SERPINC1: variants seen among roughly 807,000 people sequenced by gnomAD.
SERPINC1 encodes the protein antithrombin-III.
In SERPINC1, 12 loss-of-function variants were observed where a neutral mutation model predicts 43.4. That is an observed-to-expected ratio of 0.28 (90% CI 0.18 to 0.45). The LOEUF (loss-of-function observed/expected upper bound fraction) is 0.45, where lower values mean the gene tolerates loss of function less well. Among genes scored for constraint, SERPINC1 ranks in the 20% least tolerant of loss-of-function variants. The pLI, the probability that SERPINC1 is intolerant of heterozygous loss-of-function variation, is 1.00. For synonymous variants in SERPINC1, 210 were observed against 218.9 expected (o/e 0.96, Z 0.36); for missense variants, 423 against 578.8 (o/e 0.73, Z 2.76).
chr1:173,908,728 T>C (rs1657638201), intron 5 of SERPINC1, among the ~76,000 whole-genome samples: 1 of 151,788 alleles, frequency 6.6e-6, no homozygotes, highest in South Asian at 2.1e-4. Flanking sequence ...GCCTGGCTAA[T>C]TTTTTTTATT....
chr1:173,904,243 A>G (rs1255067029), intron 6 of SERPINC1, among the ~76,000 whole-genome samples, 178 bp from the exon 7 acceptor site: 1 of 152,232 alleles, frequency 6.6e-6, no homozygotes, highest in East Asian at 1.9e-4. Flanking sequence ...CATGCAGAGA[A>G]TGTAAGGTAC....
chr1:173,907,399 GT>G (rs1156498124), intron 6 of SERPINC1, 50 bp downstream of exon 6: 5 of 1,411,388 alleles, frequency 3.5e-6, no homozygotes, highest in Non-Finnish European at 5.0e-6. Flanking sequence ...TGTTCCTGCT[GT>G]TCATGCATCT....
Position 173,903,853 on chromosome 1 carries a change from C to T in SERPINC1, c.*36G>A. 6.3e-7 allele frequency: 1 copy of T among 1,593,946 alleles called. No homozygotes were observed. Among genetic ancestry groups the T allele is most frequent in the East Asian group, 2.2e-5 (1 of 44,756 alleles). Reference sequence around the variant, plus strand: ...ATTTATTTTTACTTCTGTTCACAAACCAAAAATAGGAAGAGGTGCAAAGAA... The same window carrying T: ...ATTTATTTTTACTTCTGTTCACAAATCAAAAATAGGAAGAGGTGCAAAGAA... On this transcript the variant is annotated 3_prime_UTR_variant, in exon 7 of 7. Coordinates refer to ENST00000367698, the MANE Select transcript of SERPINC1 (RefSeq NM_000488.4).
chr1:173,917,152 C>T, intron 1 of SERPINC1, 67 bp downstream of exon 1: 1 of 1,370,044 alleles, frequency 7.3e-7, no homozygotes. Flanking sequence ...GGAGGTCATT[C>T]CTGTGAGTCC....
At chr1:173,910,300 C>T (rs1470554326) in intron 4 of SERPINC1, among the ~76,000 whole-genome samples, 1 of 152,152 alleles carries the variant, frequency 6.6e-6, no homozygotes, top group Admixed American at 6.5e-5. Context: ...GCCAATCTGC[C>T]GGGCGCGGTG....
chr1:173,917,000 T>C (rs1388214717), intron 1 of SERPINC1, among the ~76,000 whole-genome samples: 1 of 152,134 alleles, frequency 6.6e-6, no homozygotes, highest in Non-Finnish European at 1.5e-5. Flanking sequence ...CCTTGTTTCT[T>C]AGGCTAGGGA....
At chr1:173,912,195 A>G (rs1368080524) in intron 2 of SERPINC1, among the ~76,000 whole-genome samples, 181 bp from the exon 3 acceptor site, 2 of 152,162 alleles carry the variant, frequency 1.3e-5, no homozygotes, top group Non-Finnish European at 2.9e-5. Context: ...AGGATAAAAG[A>G]AGAATGAAGG....
At chr1:173,905,942 G>T (rs1380927696) in intron 6 of SERPINC1, among the ~76,000 whole-genome samples, 2 of 152,112 alleles carry the variant, frequency 1.3e-5, no homozygotes, top group East Asian at 3.9e-4. Flanking sequence ...ACATTTCCTC[G>T]CTCCCGTTAA....
chr1:173,912,000 G>T lies in SERPINC1; in HGVS notation c.423C>A (p.Asp141Glu). Residue 141 changes from aspartate to glutamate, a missense_variant, in exon 3 of 7, where the codon GAC becomes GAA. By Grantham distance (45) the Asp-to-Glu change is conservative. Transcript: ENST00000367698. ...GATCAGATGTTTTCTCAGATATGGTGTCAAACTTAAATACCTATAGAAGTC... is the reference window on the plus strand; with the variant it reads ...GATCAGATGTTTTCTCAGATATGGTTTCAAACTTAAATACCTATAGAAGTC... ...LQQLMEVFKFDTISEKTSDQI... is the reference protein window; with the variant it reads ...LQQLMEVFKFETISEKTSDQI... 2.5e-6 allele frequency: 4 copies of T among 1,613,744 alleles called. No homozygotes were observed. Among genetic ancestry groups the T allele is most frequent in the Non-Finnish European group, 3.4e-6 (4 of 1,179,660 alleles).
intron 2 of SERPINC1, 117 bp downstream of exon 2, chr1:173,914,436 C>T: frequency 9.0e-7 from 1 of 1,114,682 alleles, no homozygotes; most frequent in South Asian, 1.3e-5. Flanking sequence ...AATCGTAATG[C>T]ATAATGAGCG....
At chr1:173,907,298 C>T in intron 6 of SERPINC1, 152 bp downstream of exon 6, 1 of 709,908 alleles carries the variant, frequency 1.4e-6, no homozygotes, top group South Asian at 1.6e-5. Flanking sequence ...GCAGAACAAT[C>T]ACACCATGAA....
chr1:173,916,100 G>A (rs1657978652), intron 1 of SERPINC1, among the ~76,000 whole-genome samples: 1 of 152,172 alleles, frequency 6.6e-6, no homozygotes, highest in Non-Finnish European at 1.5e-5. Flanking sequence ...CGCCAACATG[G>A]ATTCAATGAA....
chr1:173,907,689 T>G (rs1454577634), intron 5 of SERPINC1, among the ~76,000 whole-genome samples, 175 bp from the exon 6 acceptor site: 1 of 151,936 alleles, frequency 6.6e-6, no homozygotes, highest in Non-Finnish European at 1.5e-5. Flanking sequence ...AATAATAAAG[T>G]ACTTTGGGGG....
intron 1 of SERPINC1, 83 bp downstream of exon 1, chr1:173,917,136 G>T: frequency 1.7e-6 from 2 of 1,172,226 alleles, no homozygotes; most frequent in Non-Finnish European, 2.6e-6. Flanking sequence ...TCTTCTCAAA[G>T]GTGTTGGAGG....
chr1:173,905,752 G>T (rs549161693), intron 6 of SERPINC1, among the ~76,000 whole-genome samples: 3 of 151,770 alleles, frequency 2.0e-5, no homozygotes, highest in Non-Finnish European at 4.4e-5. Context: ...TAGGAGACCC[G>T]TTCAACACCC....
At chr1:173,904,322 A>G (rs1336959776) in intron 6 of SERPINC1, among the ~76,000 whole-genome samples, 1 of 152,228 alleles carries the variant, frequency 6.6e-6, no homozygotes, top group Non-Finnish European at 1.5e-5. Flanking sequence ...CAGAAATCTG[A>G]ATGTACACAG....
chr1:173,916,899 G>A (rs2227590), intron 1 of SERPINC1, among the ~76,000 whole-genome samples: 31,173 of 152,094 alleles, frequency 0.2, 4,364 homozygotes, highest in African/African-American at 0.4. Context: ...CCGGATGGAT[G>A]GCAGGCCCTG....
intron 5 of SERPINC1, 29 bp from the exon 6 acceptor site, chr1:173,907,543 G>A: frequency 6.3e-7 from 1 of 1,581,934 alleles, no homozygotes; most frequent in Non-Finnish European, 8.7e-7. Flanking sequence ...AAGTCTTTGT[G>A]AGATGGGAGA....
At chr1:173,909,043 A>G (rs751940676) in intron 5 of SERPINC1, among the ~76,000 whole-genome samples, 2 of 152,110 alleles carry the variant, frequency 1.3e-5, no homozygotes, top group African/African-American at 2.4e-5. Context: ...TGTGCCTGTA[A>G]TCCCAGCTAC....
Sources: gnomAD v4.1 joint callset for allele counts (sites outside exome capture counted in the v4.1 genomes callset) on GRCh38, gnomAD v4.1.1 for gene constraint, MANE v1.5 for transcripts, NCBI Gene and HGNC (gene_info 2026-07-23, HGNC 2026-07-21) for gene names.